DST: variants seen among roughly 807,000 people sequenced by gnomAD.
DST encodes dystonin, also known as bullous pemphigoid antigen.
In DST, 253 loss-of-function variants were observed where a neutral mutation model predicts 875.2. The ratio of observed to expected loss-of-function variants is 0.29; its 90% confidence interval spans 0.26 to 0.32. The LOEUF (loss-of-function observed/expected upper bound fraction) is 0.32, where lower values mean the gene tolerates loss of function less well. Ranked by LOEUF, DST falls within the 10% of genes least tolerant of loss-of-function variation. The pLI is 1.00. For synonymous variants in DST, 3,124 were observed against 3,197.1 expected, an observed-to-expected ratio of 0.98 and a Z score of 0.77; for missense variants, 8,287 against 9,111.6, an observed-to-expected ratio of 0.91 and a Z score of 3.68.
intron 3 of DST, 89 bp from the exon 4 acceptor site, chr6:56,851,693 C>T: frequency 6.4e-7 from 1 of 1,552,184 alleles, no homozygotes; most frequent in Non-Finnish European, 8.7e-7. Context: ...ACCACCGCCG[C>T]CCTCCCTGCC....
rs562591924 is a variant in DST at position 56,729,419 on chromosome 6, C to T, written c.687+5809G>A. Among the ~76,000 whole-genome samples, 3 of 151,976 alleles carry T rather than the reference C, an allele frequency of 2.0e-5. No homozygotes were observed. The East Asian group carries it at 5.8e-4, about 29-fold the overall frequency. Reference sequence around the variant, plus strand: ...CAGCCTGACCAACATGAAGAAACCCCGTCTCTACTAAAAATACAAAATTAG... The same window carrying T: ...CAGCCTGACCAACATGAAGAAACCCTGTCTCTACTAAAAATACAAAATTAG... On this transcript the variant is annotated intron_variant, in intron 5 of 103. Coordinates refer to ENST00000680361, the MANE Select transcript of DST (RefSeq NM_001374736.1).
chr6:56,474,265 C>G (rs1192612607), intron 92 of DST: 1 of 300,022 alleles, frequency 3.3e-6, no homozygotes, highest in African/African-American at 2.2e-5. Flanking sequence ...AGGTGGATCA[C>G]CTGAGGTCAG....
At position 56,463,761 on chromosome 6, in the gene DST, T is replaced by C. The variant is rs1225813610; in HGVS notation, c.22763A>G (p.Lys7588Arg). ...SITTTQPTIA[K>R]GRTNMELREK... ...ACGCAGTTCCATGTTTGTCCTTCCT[T>C]TGGCTGGGTTATACACACACAACAA... The change falls in exon 101 of 104, where the codon AAA becomes AGA. Residue 7588 changes from lysine to arginine, a missense_variant. Coordinates refer to ENST00000680361, the MANE Select transcript of DST (RefSeq NM_001374736.1). 6.2e-7 allele frequency: 1 copy of C among 1,613,960 alleles called. No homozygotes were observed. The highest frequency in any genetic ancestry group is 1.1e-5 in the South Asian group (1 of 91,076).
At chr6:56,462,553 G>T (rs2094389048) in intron 102 of DST, among the ~76,000 whole-genome samples, 1 of 152,144 alleles carries the variant, frequency 6.6e-6, no homozygotes, top group Non-Finnish European at 1.5e-5. Flanking sequence ...AGGTATAAAT[G>T]TAACAGACAT....
chr6:56,501,538 C>A lies in DST; in HGVS notation c.19722G>T (p.Glu6574Asp), dbSNP rs936981503. 6.3e-7 allele frequency: 1 copy of A among 1,582,956 alleles called. No individual in the cohort carries two copies. The highest frequency in any genetic ancestry group is 8.6e-7 in the Non-Finnish European group (1 of 1,164,522). The part of the protein sequence containing the change: ...ELKLIWDSLE[E>D]RIINRQHKLE... ...TATTTACCTGTCTGTTGATGATTCT[C>A]TCCTCCAGGCTATCCCATATCAATT... Residue 6574 changes from glutamate (E) to aspartate (D), a missense_variant, in exon 79 of 104, where the codon GAG (glutamate) becomes GAT (aspartate). Around this residue, in one of 10 missense-constraint regions of DST, gnomAD observed 1,292 missense variants for 1,552.7 expected, o/e 0.83. Transcript: ENST00000680361.
intron 35 of DST, 147 bp from the exon 36 acceptor site, chr6:56,624,775 T>C: frequency 1.5e-6 from 1 of 670,890 alleles, no homozygotes; most frequent in Admixed American, 2.3e-5. Context: ...AATGAGCTTA[T>C]TATTACTATT....
rs70989721 is a variant in DST at position 56,650,325 on chromosome 6, C to CAAAAAAAA, written c.1434+593_1434+600dup. 4.9e-4 allele frequency among the ~76,000 whole-genome samples: 24 copies of CAAAAAAAA among 48,676 alleles called. 1 individual carries two copies. Among genetic ancestry groups the CAAAAAAAA allele is most frequent in the African/African-American group, 1.7e-3 (22 of 12,744 alleles). 31.9% of individuals were successfully genotyped at this position (48,676 alleles called of 152,430 possible). ...ATAAGCACTTGTTAGCATAACCACC[C>CAAAAAAAA]AAAAAAAAAAAAAAAAAAAAAAAGC... On this transcript the variant is annotated intron_variant, in intron 12 of 103. Coordinates refer to ENST00000680361, the MANE Select transcript of DST (RefSeq NM_001374736.1).
At chr6:56,738,125 T>C (rs1296513289) in intron 4 of DST, among the ~76,000 whole-genome samples, 5 of 152,180 alleles carry the variant, frequency 3.3e-5, no homozygotes, top group Non-Finnish European at 7.3e-5. Context: ...TTGAAACACC[T>C]TCCATTTCCT....
intron 53 of DST, among the ~76,000 whole-genome samples, chr6:56,571,853 G>A (rs773572353): frequency 2.7e-4 from 41 of 152,056 alleles, no homozygotes; most frequent in Non-Finnish European, 5.3e-4. Flanking sequence ...CACCGCCATC[G>A]TTTTTCTTAT....
chr6:56,621,298 T>A (rs2098688733), intron 36 of DST, among the ~76,000 whole-genome samples: 1 of 152,140 alleles, frequency 6.6e-6, no homozygotes, highest in Admixed American at 6.5e-5. Flanking sequence ...GGAAATAACA[T>A]GGGGAAGAAG....
intron 15 of DST, among the ~76,000 whole-genome samples, chr6:56,643,592 T>C (rs571733888): frequency 2.6e-5 from 4 of 152,226 alleles, no homozygotes; most frequent in Admixed American, 2.6e-4. Flanking sequence ...CCATGCCACA[T>C]AGCTATTACT....
At position 56,568,580 on chromosome 6, in the gene DST, A is replaced by G; in HGVS notation, c.13894T>C (p.Trp4632Arg). The G allele has an allele frequency of 6.2e-7, 1 of 1,606,160 alleles. No individual in the cohort carries two copies. The highest frequency in any genetic ancestry group is 1.1e-5 in the South Asian group (1 of 89,224). ...TGAATCTCTGGTGTTTTTAAACTCC[A>G]CTTTTCTTGTAATTTCTTGAGATAT... is the stretch of plus-strand genomic sequence containing the variant. ...LEDTKKLQEK[W>R]SLKTPEIQKV... Residue 4632 changes from tryptophan to arginine, a missense_variant, in exon 55 of 104, where the codon TGG becomes CGG. Coordinates refer to ENST00000680361, the MANE Select transcript of DST (RefSeq NM_001374736.1).
At chr6:56,843,225 C>G in intron 4 of DST, 2 of 1,370,310 alleles carry the variant, frequency 1.5e-6, no homozygotes, top group South Asian at 4.0e-5. Context: ...GTCAGCAAGA[C>G]ACAGCCTTGG....
chr6:56,821,811 T>C (rs6934714), intron 4 of DST, among the ~76,000 whole-genome samples: 34,905 of 152,080 alleles, frequency 0.23, 5,133 homozygotes, highest in African/African-American at 0.41. Context: ...TATCCAGCTA[T>C]GACCCAACTT....
At position 56,888,476 on chromosome 6, in the gene DST, CA is replaced by C. The variant is rs371378465; in HGVS notation, c.417+11944del. On this transcript the variant is annotated intron_variant, in intron 3 of 103. Transcript: ENST00000680361. Reference sequence around the variant, plus strand: ...GCTTTGGATTTGCTAGTTAATTAGCCAAAGTAAGGTATGAGTTGTACAGTTA... The same window carrying C: ...GCTTTGGATTTGCTAGTTAATTAGCCAAGTAAGGTATGAGTTGTACAGTTA... 2.3e-3 allele frequency among the ~76,000 whole-genome samples: 355 copies of C among 152,092 alleles called. 4 individuals carry two copies. Among genetic ancestry groups the C allele is most frequent in the African/African-American group, 8.2e-3 (342 of 41,488 alleles).
At chr6:56,836,513 C>G (rs1195999875) in intron 4 of DST, among the ~76,000 whole-genome samples, 2 of 152,060 alleles carry the variant, frequency 1.3e-5, no homozygotes, top group Non-Finnish European at 2.9e-5. Flanking sequence ...TTTTTATACA[C>G]CAAACCAAAC....
rs6930172 is a variant in DST, at chr6:56,824,848, C to T, written c.625+26549G>A. 5.5e-3 allele frequency among the ~76,000 whole-genome samples: 829 copies of T among 150,142 alleles called. 7 individuals carry two copies. The highest frequency in any genetic ancestry group is 0.019 in the African/African-American group (780 of 40,900). On this transcript the variant is annotated intron_variant, in intron 4 of 103. Transcript: ENST00000680361. Reference sequence around the variant, plus strand: ...TGAGAAGTGAGGAGCGTCTCCGCCCCGCAGCCACCCCGTCCGGGAGGGAGG... The same window carrying T: ...TGAGAAGTGAGGAGCGTCTCCGCCCTGCAGCCACCCCGTCCGGGAGGGAGG...
intron 5 of DST, among the ~76,000 whole-genome samples, chr6:56,729,821 A>G (rs1412179632): frequency 2.0e-5 from 3 of 152,162 alleles, no homozygotes; most frequent in East Asian, 1.9e-4. Context: ...TGGTGGAGTC[A>G]TGAAGTCACT....
intron 69 of DST, among the ~76,000 whole-genome samples, chr6:56,519,788 A>G (rs936644046): frequency 4.6e-5 from 7 of 152,306 alleles, no homozygotes; most frequent in Middle Eastern, 3.4e-3. Context: ...TGGTAAGAGG[A>G]AGGCAGCTAA....
Sources: allele counts gnomAD v4.1 joint callset (sites outside exome capture counted in the v4.1 genomes callset), GRCh38; gene constraint gnomAD v4.1.1; regional missense constraint gnomAD v4.1.1; transcripts MANE v1.5; gene names NCBI Gene and HGNC (gene_info 2026-07-23, HGNC 2026-07-21).